DDX59: variants seen among roughly 807,000 people sequenced by gnomAD.
DDX59 encodes the protein probable ATP-dependent RNA helicase DDX59.
In DDX59, 30 loss-of-function variants were observed where a neutral mutation model predicts 51.9. The observed-to-expected ratio is 0.58, with a 90% confidence interval of 0.43 to 0.78. The LOEUF (loss-of-function observed/expected upper bound fraction) is 0.78, where lower values mean the gene tolerates loss of function less well. DDX59 is among the 30% of genes least tolerant of loss of function. DDX59 has a pLI of 0.00. For missense variants in DDX59, 672 were observed against 730.8 expected (o/e 0.92, Z 0.93); for synonymous variants, 255 against 253.3 (o/e 1.01, Z -0.06).
At chr1:200,655,621 G>A (rs1175461876) in intron 4 of DDX59, among the ~76,000 whole-genome samples, 1 of 152,142 alleles carries the variant, frequency 6.6e-6, no homozygotes, top group East Asian at 1.9e-4. Flanking sequence ...CTGCACACAT[G>A]CACTTGGACT....
rs1661479949 is a variant in DDX59, at chr1:200,649,098, T to C, written c.1443A>G (p.Gln481=). The C allele has an allele frequency of 6.4e-7, 1 of 1,567,756 alleles. No homozygotes were observed. The highest frequency in any genetic ancestry group is 1.4e-5 in the African/African-American group (1 of 71,904). Residue 481 remains glutamine, a synonymous_variant, in exon 6 of 8, where the codon CAA becomes CAG. Transcript: ENST00000331314. The part of the protein sequence containing the change: ...KSISIHSEKS[Q]IERKNILKGL... The stretch of plus-strand genomic sequence containing the variant: ...CCTTCAATATGTTTTTCCTTTCTAT[T>C]TGCGACTTCTCTGAATGTATAGATA...
chr1:200,666,342 C>G lies in DDX59; in HGVS notation c.399G>C (p.Ala133=). Residue 133 remains alanine, a synonymous_variant, in exon 2 of 8, where the codon GCG becomes GCC. Transcript: ENST00000331314. ...DEDVCSLECK[A]KHLLQVKEKE... is the part of the protein sequence containing the mutation. The stretch of plus-strand genomic sequence containing the variant: ...TTTCCTTAACTTGTAGAAGATGTTT[C>G]GCTTTACACTCCAAACTACACACAT... The G allele has an allele frequency of 4.3e-6, 7 of 1,614,152 alleles. No individual in the cohort carries two copies. The highest frequency in any genetic ancestry group is 5.9e-6 in the Non-Finnish European group (7 of 1,180,030).
chr1:200,641,175 T>C (rs1250028441), downstream of DDX59: 1 of 1,304,666 alleles, frequency 7.7e-7, no homozygotes. Context: ...ATATTGATTG[T>C]GGTGAGTAGA....
chr1:200,648,879 T>A (rs1352111627), intron 6 of DDX59, among the ~76,000 whole-genome samples, 195 bp downstream of exon 6: 2 of 152,162 alleles, frequency 1.3e-5, no homozygotes, highest in African/African-American at 4.8e-5. Context: ...ATATATTCCC[T>A]AGAGAACAGG....
chr1:200,653,885 C>T (rs1661829189), intron 4 of DDX59, among the ~76,000 whole-genome samples: 2 of 152,148 alleles, frequency 1.3e-5, no homozygotes, highest in Non-Finnish European at 2.9e-5. Context: ...CAAGGTAACC[C>T]CCCTCCCCTC....
In DDX59 at chr1:200,644,312, G is replaced by A; in HGVS notation, c.1802C>T (p.Thr601Ile). 11 of 1,613,058 alleles carry A rather than the reference G, an allele frequency of 6.8e-6. No individual in the cohort carries two copies. Among genetic ancestry groups the A allele is most frequent in the Non-Finnish European group, 9.3e-6 (11 of 1,179,646 alleles). The change falls in exon 8 of 8, where the codon ACA (threonine) becomes ATA (isoleucine). Residue 601 changes from threonine (T) to isoleucine (I), a missense_variant. By Grantham distance (89) the Thr-to-Ile change is moderately conservative. Transcript: ENST00000331314. ...KDKQTQNDLV[T>I]GANLMDIIRK... ...GATAATATCCATAAGATTAGCTCCT[G>A]TAACCAGATCATTCTGTGTCTGTTT...
downstream of DDX59, chr1:200,644,006 T>TCTGTGGAG (rs1661133801): frequency 2.5e-6 from 1 of 400,394 alleles, no homozygotes. Context: ...CTCTGAGGAC[T>TCTGTGGAG]GTTTATTTTA....
At chr1:200,650,382 CA>C (rs1224500273) in intron 5 of DDX59, 42 bp downstream of exon 5, 16 of 1,564,544 alleles carry the variant, frequency 1.0e-5, no homozygotes, top group African/African-American at 2.7e-5. Flanking sequence ...GTGAAAAATG[CA>C]AACACAATCC....
In DDX59 at chr1:200,649,169, C is replaced by A. The variant is rs754184314; in HGVS notation, c.1372G>T (p.Asp458Tyr). The A allele has an allele frequency of 6.3e-7, 1 of 1,599,020 alleles. No homozygotes were observed. Residue 458 changes from aspartate (D) to tyrosine (Y), a missense_variant, in exon 6 of 8, where the codon GAT becomes TAT. By Grantham distance (160) the Asp-to-Tyr change is radical (BLOSUM62 -3). Coordinates refer to ENST00000331314, the MANE Select transcript of DDX59 (RefSeq NM_001031725.6). ...LVFVDCKLGA[D>Y]LLSEAVQKIT... Reference sequence around the variant, plus strand: ...TTCTGAACGGCTTCACTCAAAAGATCTGCTCCTAGTTTGCAGTCCACAAAT... The same window carrying A: ...TTCTGAACGGCTTCACTCAAAAGATATGCTCCTAGTTTGCAGTCCACAAAT...
Position 200,663,901 on chromosome 1 carries a change from T to C in DDX59, c.972+18A>G, listed in dbSNP as rs1220700225. On this transcript the variant is annotated intron_variant, in intron 3 of 7. Transcript: ENST00000331314. Reference sequence around the variant, plus strand: ...CTTACAAAACTTTTCAAAGACATTGTATCAAATCAGTGCTTACCTTAACAT... The same window carrying C: ...CTTACAAAACTTTTCAAAGACATTGCATCAAATCAGTGCTTACCTTAACAT... 6.4e-7 allele frequency: 1 copy of C among 1,556,342 alleles called. No homozygotes were observed. Among genetic ancestry groups the C allele is most frequent in the Non-Finnish European group, 8.7e-7 (1 of 1,154,658 alleles).
intron 1 of DDX59, chr1:200,669,413 C>CA (rs1663005653): frequency 6.6e-6 from 1 of 152,226 alleles, no homozygotes; most frequent in Non-Finnish European, 1.5e-5. Context: ...CTCAGTCTTC[C>CA]AATGGCGAAA....
intron 4 of DDX59, among the ~76,000 whole-genome samples, chr1:200,658,345 G>T (rs1273072053): frequency 1.3e-5 from 2 of 151,900 alleles, no homozygotes; most frequent in Non-Finnish European, 2.9e-5. Flanking sequence ...TATAGTATAT[G>T]TAACATAGAA....
In DDX59 at chr1:200,658,690, G is replaced by C. The variant is rs372638368; in HGVS notation, c.1062+337C>G. On this transcript the variant is annotated intron_variant, in intron 4 of 7. Transcript: ENST00000331314. ...CAGCCTGGGTGACCTAAGCAACAGA[G>C]CAAGACCCTGTCTCATTACTTGACA... Among the ~76,000 whole-genome samples the C allele has an allele frequency of 2.6e-5, 4 of 152,194 alleles. No individual in the cohort carries two copies. In the East Asian group the frequency reaches 5.8e-4, roughly 22 times the overall value.
chr1:200,653,508 C>T (rs895914760), intron 4 of DDX59, among the ~76,000 whole-genome samples: 1 of 152,172 alleles, frequency 6.6e-6, no homozygotes, highest in African/African-American at 2.4e-5. Context: ...ATCCCATAAC[C>T]AATTCTCAAG....
intron 1 of DDX59, among the ~76,000 whole-genome samples, chr1:200,668,411 C>A (rs981686003): frequency 6.6e-6 from 1 of 152,098 alleles, no homozygotes; most frequent in African/African-American, 2.4e-5. Flanking sequence ...AGCTCTCAAC[C>A]ATACGAGGAC....
At chr1:200,647,637 A>C (rs566769222) in intron 7 of DDX59, among the ~76,000 whole-genome samples, 4 of 151,140 alleles carry the variant, frequency 2.6e-5, no homozygotes, top group Non-Finnish European at 4.4e-5. Context: ...TTTTATACAT[A>C]CTTACCTTTC....
At chr1:200,644,007 G>A (rs1186046764), downstream of DDX59, 2 of 409,812 alleles carry the variant, frequency 4.9e-6, no homozygotes, top group East Asian at 2.8e-4. Flanking sequence ...TCTGAGGACT[G>A]TTTATTTTAA....
At chr1:200,643,800 G>A (rs1401679203), downstream of DDX59, among the ~76,000 whole-genome samples, 2 of 152,030 alleles carry the variant, frequency 1.3e-5, no homozygotes, top group South Asian at 2.1e-4. Context: ...GAGAATGAAA[G>A]TAGACATTTC....
chr1:200,647,435 G>A (rs796112416), intron 7 of DDX59, among the ~76,000 whole-genome samples: 8 of 152,094 alleles, frequency 5.3e-5, no homozygotes, highest in African/African-American at 1.7e-4. Context: ...AACTTAAAAC[G>A]ATCTTTTTAA....
Sources: gnomAD v4.1 joint callset for allele counts (sites outside exome capture counted in the v4.1 genomes callset) on GRCh38, gnomAD v4.1.1 for gene constraint, MANE v1.5 for transcripts, NCBI Gene and HGNC (gene_info 2026-07-23, HGNC 2026-07-21) for gene names.